Variants in VWA3B observed in about 807,000 individuals in gnomAD.
VWA3B encodes von Willebrand factor A domain containing 3B, also known as von Willebrand factor A domain-containing protein 3B.
Under a neutral mutation model 158.3 loss-of-function variants are expected in VWA3B, and 138 were observed. That is an observed-to-expected ratio of 0.87 (90% CI 0.76 to 1.00). The LOEUF (loss-of-function observed/expected upper bound fraction) is 1.00. Ranked by LOEUF, VWA3B falls within the 50% of genes least tolerant of loss-of-function variation. The probability of loss-of-function intolerance (pLI) is 0.00; values close to 1 mark genes in which losing one functional copy is unlikely to be tolerated. For synonymous variants in VWA3B, 596 were observed against 587.3 expected, an observed-to-expected ratio of 1.01 and a Z score of -0.21; for missense variants, 1,555 against 1,565.1, an observed-to-expected ratio of 0.99 and a Z score of 0.11.
chr2:98,184,580 C>A (rs1362483565), intron 9 of VWA3B, among the ~76,000 whole-genome samples: 1 of 152,258 alleles, frequency 6.6e-6, no homozygotes, highest in African/African-American at 2.4e-5. Context: ...CTCTGAACAT[C>A]CCTTTTCTGA....
At chr2:98,209,290 T>C (rs895928052) in intron 12 of VWA3B, among the ~76,000 whole-genome samples, 1 of 152,120 alleles carries the variant, frequency 6.6e-6, no homozygotes, top group African/African-American at 2.4e-5. Flanking sequence ...TGTTTGTTTG[T>C]TTGTTTTTGA....
In VWA3B at chr2:98,312,022, C is replaced by T; in HGVS notation, c.3725C>T (p.Pro1242Leu). ...SSHGSCQGTH[P>L]EPRTAHLHFP... ...CATGGGTCCTGCCAGGGGACACACC[C>T]CGAGCCCAGGGTTTGGGTGATGGGG... The change falls in exon 27 of 28, where the codon CCC (proline) becomes CTC (leucine). Residue 1242 changes from proline to leucine, a missense_variant. Pro to Leu is a moderately conservative substitution (Grantham distance 98). Transcript: ENST00000477737. The T allele has an allele frequency of 6.3e-7, 1 of 1,597,910 alleles. No homozygotes were observed. The highest frequency in any genetic ancestry group is 8.5e-7 in the Non-Finnish European group (1 of 1,172,004).
At chr2:98,327,480 C>A in the VWA3B span, among the ~76,000 whole-genome samples, 7 of 152,164 alleles carry the variant, frequency 4.6e-5, no homozygotes, top group African/African-American at 9.7e-5. Flanking sequence ...CTAACTCTGT[C>A]ATGACCAAGT....
chr2:98,245,478 C>CT (rs1012150831), intron 19 of VWA3B: 1 of 449,028 alleles, frequency 2.2e-6, no homozygotes, highest in African/African-American at 2.0e-5. Context: ...ATGACTTTAT[C>CT]TTTCCCTGGA....
chr2:98,213,026 A>G (rs575056148), intron 13 of VWA3B, among the ~76,000 whole-genome samples: 19 of 152,130 alleles, frequency 1.2e-4, no homozygotes, highest in Non-Finnish European at 2.6e-4. Context: ...AGGGGCACAG[A>G]GTGATGGATT....
chr2:98,226,578 A>G (rs982472517), intron 14 of VWA3B, among the ~76,000 whole-genome samples: 3 of 150,882 alleles, frequency 2.0e-5, no homozygotes, highest in African/African-American at 4.8e-5. Flanking sequence ...ATTGGACCTC[A>G]TCAAAATTAA....
chr2:98,223,139 A>T (rs905282177), intron 14 of VWA3B, among the ~76,000 whole-genome samples: 11 of 152,064 alleles, frequency 7.2e-5, no homozygotes, highest in African/African-American at 2.7e-4. Context: ...TAGGAATTAT[A>T]AAAAAAATTC....
In VWA3B at chr2:98,218,004, T is replaced by C; in HGVS notation, c.1995T>C (p.Asp665=). The change falls in exon 14 of 28, where the codon GAT becomes GAC. Residue 665 remains aspartate, a synonymous_variant. Coordinates refer to ENST00000477737, the MANE Select transcript of VWA3B (RefSeq NM_144992.5). The part of the protein sequence containing the change: ...EFHFYNFGCK[D]PTPPEAVQNE... The stretch of plus-strand genomic sequence containing the variant: ...ATTTTTATAATTTTGGTTGCAAGGA[T>C]CCCACTCCCCCAGAGGCTGTTCAGG... The C allele has an allele frequency of 6.2e-7, 1 of 1,611,876 alleles. No homozygotes were observed. Among genetic ancestry groups the C allele is most frequent in the South Asian group, 1.1e-5 (1 of 90,734 alleles).
chr2:98,272,866 A>G (rs1046724408), intron 22 of VWA3B, among the ~76,000 whole-genome samples: 1 of 152,184 alleles, frequency 6.6e-6, no homozygotes, highest in Non-Finnish European at 1.5e-5. Flanking sequence ...TCCTTATTAA[A>G]GGAATTCCTT....
At chr2:98,186,046 C>G (rs560939515) in intron 9 of VWA3B, among the ~76,000 whole-genome samples, 2 of 152,276 alleles carry the variant, frequency 1.3e-5, no homozygotes, top group East Asian at 3.9e-4. Flanking sequence ...TCCACCTCTC[C>G]ACCAAAACCC....
rs1200171455 is a variant in VWA3B at position 98,157,275 on chromosome 2, T to C, written c.989-5576T>C. On this transcript the variant is annotated intron_variant, in intron 7 of 27. Transcript: ENST00000477737. ...AAACATTAGATGGTTATCCAGATGG[T>C]GAAATGACTCTATATTCACTTTAAA... Among the ~76,000 whole-genome samples, 3 of 152,230 alleles carry C rather than the reference T, an allele frequency of 2.0e-5. No homozygotes were observed. The East Asian group carries it at 5.8e-4, about 29-fold the overall frequency.
At chr2:98,126,642 C>T (rs947607911) in intron 5 of VWA3B, among the ~76,000 whole-genome samples, 2 of 152,206 alleles carry the variant, frequency 1.3e-5, no homozygotes, top group Non-Finnish European at 2.9e-5. Flanking sequence ...AAGATGGTTT[C>T]TTCCTTCCTT....
At chr2:98,325,398 A>G in the VWA3B span, among the ~76,000 whole-genome samples, 1 of 152,188 alleles carries the variant, frequency 6.6e-6, no homozygotes, top group African/African-American at 2.4e-5. Context: ...GAAAGAAAAG[A>G]AAACCTCTCA....
chr2:98,116,787 A>C (rs1674571515), intron 3 of VWA3B, among the ~76,000 whole-genome samples: 1 of 152,150 alleles, frequency 6.6e-6, no homozygotes, highest in South Asian at 2.1e-4. Flanking sequence ...CCTCAACCTC[A>C]TGCCTCAGAT....
intron 20 of VWA3B, among the ~76,000 whole-genome samples, chr2:98,252,357 A>G (rs1372817790): frequency 6.6e-6 from 1 of 152,186 alleles, no homozygotes; most frequent in East Asian, 1.9e-4. Flanking sequence ...GTCATTCAAA[A>G]TGCCATATAA....
intron 22 of VWA3B, among the ~76,000 whole-genome samples, chr2:98,284,499 T>C (rs1689054659): frequency 6.6e-6 from 1 of 152,212 alleles, no homozygotes; most frequent in Non-Finnish European, 1.5e-5. Flanking sequence ...TAAATTTTTA[T>C]AGCCAACTGC....
intron 7 of VWA3B, among the ~76,000 whole-genome samples, chr2:98,147,915 T>A (rs1416756640): frequency 1.3e-5 from 2 of 148,196 alleles, no homozygotes; most frequent in African/African-American, 2.5e-5. Context: ...GTGTTCTCAT[T>A]GTTCAATTCC....
the VWA3B span, among the ~76,000 whole-genome samples, chr2:98,326,470 A>C: frequency 2.0e-5 from 3 of 152,238 alleles, no homozygotes; most frequent in Non-Finnish European, 4.4e-5. Flanking sequence ...ATTTGAAGAC[A>C]AAATTATAGG....
intron 22 of VWA3B, among the ~76,000 whole-genome samples, chr2:98,275,064 A>G (rs1574256392): frequency 6.6e-6 from 1 of 152,184 alleles, no homozygotes; most frequent in African/African-American, 2.4e-5. Context: ...TTTGCAGCAC[A>G]CTTCACTACC....
Sources: gnomAD v4.1 joint callset for allele counts (sites outside exome capture counted in the v4.1 genomes callset) on GRCh38, gnomAD v4.1.1 for gene constraint, MANE v1.5 for transcripts, NCBI Gene and HGNC (gene_info 2026-07-23, HGNC 2026-07-21) for gene names.